The following ATP8A2 variants were observed in gnomAD, a reference collection of about 807,000 sequenced individuals.
ATP8A2 encodes phospholipid-transporting ATPase IB.
In ATP8A2, 100 loss-of-function variants were observed where a neutral mutation model predicts 165.6. The observed-to-expected ratio is 0.60, with a 90% CI of 0.51 to 0.71. ATP8A2 has a LOEUF of 0.71. Ranked by LOEUF, ATP8A2 falls within the 30% of genes least tolerant of loss-of-function variation. The pLI, the probability that ATP8A2 is intolerant of heterozygous loss-of-function variation, is 0.00. For missense variants in ATP8A2, 1,227 were observed against 1,479.5 expected (o/e 0.83, Z 2.80); for synonymous variants, 543 against 548.8 (o/e 0.99, Z 0.15).
chr13:25,428,865 C>T (rs927031866), intron 1 of ATP8A2, among the ~76,000 whole-genome samples: 1 of 152,106 alleles, frequency 6.6e-6, no homozygotes, highest in Non-Finnish European at 1.5e-5. Context: ...GGCGTGATGG[C>T]CTCTGTCCAG....
chr13:25,888,068 A>ACACCC (rs1953218189), intron 33 of ATP8A2, among the ~76,000 whole-genome samples: 1 of 105,582 alleles, frequency 9.5e-6, no homozygotes, highest in Non-Finnish European at 2.0e-5. Flanking sequence ...AAGAACCCAG[A>ACACCC]CCCCCCCCCC....
intron 1 of ATP8A2, chr13:25,468,731 C>G (rs549158870): frequency 3.1e-6 from 2 of 651,682 alleles, no homozygotes; most frequent in East Asian, 1.4e-4. Context: ...GGGCGGGGCT[C>G]GCTCCACAAG....
At chr13:25,542,353 A>G (rs545479621) in intron 9 of ATP8A2, among the ~76,000 whole-genome samples, 1 of 152,040 alleles carries the variant, frequency 6.6e-6, no homozygotes, top group Non-Finnish European at 1.5e-5. Flanking sequence ...ATACAAGCTA[A>G]TACACTTGTT....
intron 33 of ATP8A2, among the ~76,000 whole-genome samples, chr13:25,922,560 A>AGCT (rs1376363339): frequency 2.6e-5 from 4 of 152,222 alleles, no homozygotes; most frequent in African/African-American, 7.2e-5. Flanking sequence ...TCCCGTAGGC[A>AGCT]GCTGCCTGCA....
At chr13:25,992,562 A>G (rs1006791626) in intron 35 of ATP8A2, among the ~76,000 whole-genome samples, 1 of 152,162 alleles carries the variant, frequency 6.6e-6, no homozygotes, top group Admixed American at 6.5e-5. Flanking sequence ...ATTTTAGTGA[A>G]GTCCAAATAT....
intron 2 of ATP8A2, among the ~76,000 whole-genome samples, chr13:25,473,981 C>T (rs1001286355): frequency 6.6e-6 from 1 of 152,206 alleles, no homozygotes; most frequent in African/African-American, 2.4e-5. Flanking sequence ...ATGTGATTAG[C>T]AGCATGCCAT....
rs146806101 is a variant in ATP8A2, at chr13:25,639,615, G to T, written c.2211+49916G>T. Among the ~76,000 whole-genome samples, 1,339 of 152,252 alleles carry T rather than the reference G, an allele frequency of 8.8e-3. 30 individuals carry two copies. Among genetic ancestry groups the T allele is most frequent in the African/African-American group, 0.03 (1,264 of 41,528 alleles). ...CAGATTCATAAAGCAAGTCCTTAGA[G>T]AACTACAAAGAGACTCAGACTCCCA... is the stretch of plus-strand genomic sequence containing the variant. On this transcript the variant is annotated intron_variant, in intron 24 of 36. Transcript: ENST00000381655.
intron 1 of ATP8A2, among the ~76,000 whole-genome samples, chr13:25,375,459 C>T (rs1374423346): frequency 3.3e-5 from 5 of 152,138 alleles, no homozygotes; most frequent in African/African-American, 4.8e-5. Flanking sequence ...TTTCTATGGA[C>T]GACAGCATCA....
chr13:25,873,640 CTT>C (rs201451621), intron 33 of ATP8A2, among the ~76,000 whole-genome samples: 11,758 of 139,582 alleles, frequency 0.084, 413 homozygotes, highest in Non-Finnish European at 0.095. Flanking sequence ...CTAAGTATCT[CTT>C]TTTTTTTTTT....
intron 25 of ATP8A2, among the ~76,000 whole-genome samples, chr13:25,709,070 G>T (rs3132336): frequency 6.6e-6 from 1 of 152,116 alleles, no homozygotes; most frequent in Non-Finnish European, 1.5e-5. Context: ...CTGAATTGTC[G>T]CCAGTGGTTT....
At chr13:25,483,483 C>T (rs1044209903) in intron 2 of ATP8A2, among the ~76,000 whole-genome samples, 2 of 152,018 alleles carry the variant, frequency 1.3e-5, no homozygotes, top group East Asian at 1.9e-4. Context: ...GCAGCACTGG[C>T]GCTCTTGGAG....
chr13:25,939,373 A>G (rs908197737), intron 33 of ATP8A2, among the ~76,000 whole-genome samples: 3 of 151,950 alleles, frequency 2.0e-5, no homozygotes, highest in Non-Finnish European at 2.9e-5. Context: ...TTTTTAGTCA[A>G]CTTACATGGT....
chr13:25,442,690 G>A (rs562335964), intron 1 of ATP8A2, among the ~76,000 whole-genome samples: 108 of 152,278 alleles, frequency 7.1e-4, no homozygotes, highest in Non-Finnish European at 1.2e-3. Flanking sequence ...AAAGTGCTGC[G>A]GGTGTGAGGT....
intron 25 of ATP8A2, among the ~76,000 whole-genome samples, chr13:25,713,242 T>A (rs2043189184): frequency 6.6e-6 from 1 of 152,214 alleles, no homozygotes; most frequent in South Asian, 2.1e-4. Flanking sequence ...TTGAAAGGCA[T>A]TTTTTACAAC....
chr13:26,000,956 T>C (rs1956620757), intron 35 of ATP8A2, among the ~76,000 whole-genome samples: 1 of 152,192 alleles, frequency 6.6e-6, no homozygotes, highest in African/African-American at 2.4e-5. Flanking sequence ...TGTATAACCA[T>C]TACCACTACC....
chr13:25,860,813 G>C lies in ATP8A2; in HGVS notation c.3028G>C (p.Val1010Leu). 6.3e-7 allele frequency: 1 copy of C among 1,595,444 alleles called. No individual in the cohort carries two copies. Among genetic ancestry groups the C allele is most frequent in the Non-Finnish European group, 8.6e-7 (1 of 1,168,376 alleles). ...VGNIVYTYVV[V>L]TVCLKAGLET... ...TCTTTTATTTTCACAGTATGTTGTT[G>C]TTACTGTTTGTCTGAAAGCTGGTTT... is the stretch of plus-strand genomic sequence containing the variant. The change falls in exon 32 of 37, where the codon GTT becomes CTT. Residue 1010 changes from valine (V) to leucine (L), a missense_variant. Val to Leu is a conservative substitution (Grantham distance 32). This residue lies in a region of ATP8A2 where 260 missense variants were observed against 245.1 expected (regional missense o/e 1.06). Transcript: ENST00000381655.
chr13:25,958,619 G>A (rs1955587572), intron 33 of ATP8A2, among the ~76,000 whole-genome samples: 1 of 152,134 alleles, frequency 6.6e-6, no homozygotes, highest in African/African-American at 2.4e-5. Context: ...TAGGCATATG[G>A]CATGTAAATG....
intron 30 of ATP8A2, among the ~76,000 whole-genome samples, chr13:25,840,530 A>G (rs1951727505): frequency 6.6e-6 from 1 of 152,224 alleles, no homozygotes; most frequent in Non-Finnish European, 1.5e-5. Flanking sequence ...TTTCAATTTC[A>G]TCAGAACTCC....
intron 24 of ATP8A2, among the ~76,000 whole-genome samples, chr13:25,590,095 A>G (rs1353298616): frequency 2.0e-5 from 3 of 152,260 alleles, no homozygotes; most frequent in Non-Finnish European, 4.4e-5. Flanking sequence ...AAACTTTAGA[A>G]TAAAACTAAT....
Sources: gnomAD v4.1 joint callset for allele counts (sites outside exome capture counted in the v4.1 genomes callset) on GRCh38, gnomAD v4.1.1 for gene constraint, gnomAD v4.1.1 regional missense constraint, MANE v1.5 for transcripts, NCBI Gene and HGNC (gene_info 2026-07-23, HGNC 2026-07-21) for gene names.